ERGIC1: variants seen among roughly 807,000 people sequenced by gnomAD.
ERGIC1 encodes the protein endoplasmic reticulum-Golgi intermediate compartment protein 1.
Under a neutral mutation model 38.3 loss-of-function variants are expected in ERGIC1, and 19 were observed. That is an observed-to-expected ratio of 0.50 (90% CI 0.35 to 0.73). ERGIC1 has a LOEUF of 0.73. Among genes scored for constraint, ERGIC1 ranks in the 30% least tolerant of loss-of-function variants. The probability of loss-of-function intolerance (pLI) is 0.01; values close to 1 mark genes in which losing one functional copy is unlikely to be tolerated. For synonymous variants in ERGIC1, 124 were observed against 157.6 expected (o/e 0.79, Z 1.60); for missense variants, 294 against 389.2 (o/e 0.76, Z 2.06).
intron 9 of ERGIC1, among the ~76,000 whole-genome samples, chr5:172,943,638 A>G (rs759164127): frequency 2.6e-5 from 4 of 152,196 alleles, no homozygotes; most frequent in Non-Finnish European, 5.9e-5. Flanking sequence ...CCCATTCTAC[A>G]GATGGGGCAA....
At chr5:172,863,924 G>A (rs1463438136) in intron 1 of ERGIC1, among the ~76,000 whole-genome samples, 2 of 152,182 alleles carry the variant, frequency 1.3e-5, no homozygotes, top group Admixed American at 6.5e-5. Context: ...GGCCGGGCGC[G>A]GTGGCTCACG....
chr5:172,909,637 C>T, intron 3 of ERGIC1, 30 bp from the exon 4 acceptor site: 1 of 1,605,882 alleles, frequency 6.2e-7, no homozygotes, highest in Non-Finnish European at 8.5e-7. Flanking sequence ...GCCATCTCAA[C>T]AAAGGTTCCT....
chr5:172,893,882 T>TAC (rs1762632108), intron 2 of ERGIC1, among the ~76,000 whole-genome samples: 1 of 18,988 alleles, frequency 5.3e-5, no homozygotes, highest in African/African-American at 1.5e-4. Context: ...TATATATATA[T>TAC]ATATATATAT....
rs997025837 is a variant in ERGIC1 at position 172,880,656 on chromosome 5, T to G, written c.21-8043T>G. ...TTGTTTTCAATACTCTGAGTTTAAT[T>G]GCACCTTCAAGTGAGCAAGGCACAC... On this transcript the variant is annotated intron_variant, in intron 1 of 9. Coordinates refer to ENST00000393784, the MANE Select transcript of ERGIC1 (RefSeq NM_001031711.3). 2.6e-5 allele frequency among the ~76,000 whole-genome samples: 4 copies of G among 152,332 alleles called. No individual in the cohort carries two copies. In the East Asian group the frequency reaches 7.7e-4, roughly 29 times the overall value.
rs1042221235 is a variant in ERGIC1 at position 172,908,965 on chromosome 5, A to G, written c.156-702A>G. Among the ~76,000 whole-genome samples, 3 of 152,220 alleles carry G rather than the reference A, an allele frequency of 2.0e-5. No homozygotes were observed. In the East Asian group the frequency reaches 5.8e-4, roughly 29 times the overall value. On this transcript the variant is annotated intron_variant, in intron 3 of 9. Transcript: ENST00000393784. ...CTGGCGCCAGGCCCTGATCCCTTAT[A>G]AGACCCCTATTTCTCATTTTAGTGT...
At chr5:172,897,443 AAGAG>A (rs71579705) in intron 3 of ERGIC1, among the ~76,000 whole-genome samples, 13 of 142,414 alleles carry the variant, frequency 9.1e-5, no homozygotes, top group African/African-American at 3.0e-4. Flanking sequence ...AAAAAAAAAA[AAGAG>A]AGAGAGAGGA....
At chr5:172,911,160 G>T (rs1400628942) in intron 4 of ERGIC1, among the ~76,000 whole-genome samples, 1 of 152,108 alleles carries the variant, frequency 6.6e-6, no homozygotes, top group Non-Finnish European at 1.5e-5. Flanking sequence ...GAGAACACTG[G>T]GTGCATCTCC....
chr5:172,940,375 A>C (rs1029083016), intron 9 of ERGIC1, among the ~76,000 whole-genome samples: 3 of 152,144 alleles, frequency 2.0e-5, no homozygotes, highest in African/African-American at 7.2e-5. Context: ...GGGAATAAAC[A>C]GATTGTGTTT....
intron 3 of ERGIC1, among the ~76,000 whole-genome samples, chr5:172,904,514 C>G (rs1478039359): frequency 6.6e-6 from 1 of 152,230 alleles, no homozygotes; most frequent in Non-Finnish European, 1.5e-5. Flanking sequence ...TGCCACTGCC[C>G]CCATAGGCCT....
At chr5:172,906,772 C>A (rs746275858) in intron 3 of ERGIC1, among the ~76,000 whole-genome samples, 1 of 152,162 alleles carries the variant, frequency 6.6e-6, no homozygotes, top group Non-Finnish European at 1.5e-5. Context: ...CACAGCCCAG[C>A]CACCTGAAGC....
intron 1 of ERGIC1, among the ~76,000 whole-genome samples, chr5:172,869,737 G>A (rs1426919159): frequency 6.6e-6 from 1 of 152,198 alleles, no homozygotes; most frequent in African/African-American, 2.4e-5. Context: ...ATGTTTAGGG[G>A]CATCTGGGGG....
intron 5 of ERGIC1, among the ~76,000 whole-genome samples, chr5:172,922,793 G>A (rs376694966): frequency 2.0e-5 from 3 of 152,234 alleles, no homozygotes; most frequent in African/African-American, 7.2e-5. Context: ...AGGGTTCTGG[G>A]CAGAGGAGTG....
chr5:172,871,319 C>T lies in ERGIC1; in HGVS notation c.21-17380C>T, dbSNP rs73325133. Among the ~76,000 whole-genome samples the T allele has an allele frequency of 4.0e-3, 614 of 152,320 alleles. 2 individuals are homozygous for T. The highest frequency in any genetic ancestry group is 0.013 in the African/African-American group (549 of 41,576). ...TTCCAGGAACCTGCCAGATACGCTCCCTGCCTCGAGGCCTTTGCACTTGCT... is the reference window on the plus strand; with the variant it reads ...TTCCAGGAACCTGCCAGATACGCTCTCTGCCTCGAGGCCTTTGCACTTGCT... On this transcript the variant is annotated intron_variant, in intron 1 of 9. Transcript: ENST00000393784.
chr5:172,834,504 A>G lies in ERGIC1; in HGVS notation c.20+71A>G. On this transcript the variant is annotated intron_variant, in intron 1 of 9. Coordinates refer to ENST00000393784, the MANE Select transcript of ERGIC1 (RefSeq NM_001031711.3). The surrounding 1 kb of genome is among the most constrained non-coding windows in gnomAD (Gnocchi z 4.1). ...GAGGGAGCGCCCCGGCACGCCGCGG[A>G]CCCCTCCCGCCCTGCATGCAAAAGC... 8.0e-7 allele frequency: 1 copy of G among 1,243,836 alleles called. No homozygotes were observed. 77.0% of individuals were successfully genotyped at this position (1,243,836 alleles called of 1,614,324 possible).
intron 9 of ERGIC1, among the ~76,000 whole-genome samples, chr5:172,948,097 G>A (rs1298090378): frequency 6.6e-6 from 1 of 152,114 alleles, no homozygotes; most frequent in African/African-American, 2.4e-5. Context: ...GGCCGGCAGG[G>A]AGGGGCCTTG....
chr5:172,857,937 A>G (rs1185528674), intron 1 of ERGIC1, among the ~76,000 whole-genome samples: 2 of 152,096 alleles, frequency 1.3e-5, no homozygotes, highest in African/African-American at 4.8e-5. Context: ...TCACTGTGCC[A>G]GGCACTGCGA....
chr5:172,899,990 A>G (rs1762828783), intron 3 of ERGIC1, among the ~76,000 whole-genome samples: 1 of 152,248 alleles, frequency 6.6e-6, no homozygotes, highest in South Asian at 2.1e-4. Flanking sequence ...GCCGCTCCGC[A>G]CCAGGCATAT....
At chr5:172,916,114 G>A (rs962023615) in intron 5 of ERGIC1, 5 of 153,482 alleles carry the variant, frequency 3.3e-5, no homozygotes, top group South Asian at 2.0e-4. Context: ...CCTGGCAGGC[G>A]GCTGGAAGGC....
chr5:172,892,936 G>A (rs748974314), intron 2 of ERGIC1, among the ~76,000 whole-genome samples: 11 of 152,074 alleles, frequency 7.2e-5, no homozygotes, highest in Non-Finnish European at 1.2e-4. Flanking sequence ...GGCACTTATT[G>A]TGTCCACCTG....
Sources: allele counts gnomAD v4.1 joint callset (sites outside exome capture counted in the v4.1 genomes callset), GRCh38; gene constraint gnomAD v4.1.1; non-coding constraint Gnocchi (gnomAD v3.1); transcripts MANE v1.5; gene names NCBI Gene and HGNC (gene_info 2026-07-23, HGNC 2026-07-21).